The following BLTP2 variants were observed in gnomAD, a reference collection of about 807,000 sequenced individuals.
The protein encoded by BLTP2 is bridge-like lipid transfer protein family member 2.
the BLTP2 span, among the ~76,000 whole-genome samples, chr17:28,632,699 T>G: frequency 3.9e-5 from 6 of 152,136 alleles, no homozygotes; most frequent in African/African-American, 1.2e-4. Flanking sequence ...TCCAGAACTG[T>G]GAGAGATAAA....
chr17:28,638,563 T>C, the BLTP2 span: 21 of 1,613,630 alleles, frequency 1.3e-5, no homozygotes, highest in Non-Finnish European at 1.7e-5. Context: ...AAAGGTGGTG[T>C]ATCTCCAAGT....
the BLTP2 span, chr17:28,616,585 A>C: frequency 6.2e-7 from 1 of 1,614,004 alleles, no homozygotes; most frequent in Non-Finnish European, 8.5e-7. The surrounding 1 kb of genome is among the most constrained non-coding windows in gnomAD (Gnocchi z 4.8). Flanking sequence ...TTGCTACCCT[A>C]TTCTTCTGGG....
the BLTP2 span, chr17:28,639,222 C>A: frequency 7.5e-7 from 1 of 1,328,016 alleles, no homozygotes; most frequent in Non-Finnish European, 1.1e-6. Context: ...GTCAAACAAC[C>A]AAATACATAT....
the BLTP2 span, chr17:28,620,655 A>T: frequency 6.2e-7 from 1 of 1,611,376 alleles, no homozygotes; most frequent in Non-Finnish European, 8.5e-7. Flanking sequence ...GCAGCTAAAT[A>T]AAAGGCTCAA....
the BLTP2 span, chr17:28,615,213 T>C: frequency 3.1e-6 from 5 of 1,613,672 alleles, no homozygotes; most frequent in African/African-American, 4.0e-5. Context: ...TCAGAGCCTG[T>C]TGCAGACTTC....
At chr17:28,623,977 G>A in the BLTP2 span, 1 of 1,612,018 alleles carries the variant, frequency 6.2e-7, no homozygotes, top group Admixed American at 1.7e-5. Context: ...CTATGCCAGA[G>A]ATAGAAGCAG....
the BLTP2 span, chr17:28,638,448 A>C: frequency 6.2e-7 from 1 of 1,608,102 alleles, no homozygotes; most frequent in Non-Finnish European, 8.5e-7. Context: ...GATTGCATGG[A>C]GCCACTGTGG....
At chr17:28,638,562 G>A in the BLTP2 span, 13 of 1,613,342 alleles carry the variant, frequency 8.1e-6, no homozygotes, top group Admixed American at 1.0e-4. Flanking sequence ...AAAAGGTGGT[G>A]TATCTCCAAG....
the BLTP2 span, chr17:28,643,396 C>G: frequency 6.4e-7 from 1 of 1,552,414 alleles, no homozygotes; most frequent in Admixed American, 1.7e-5. Flanking sequence ...CTTTCTCATC[C>G]TTCCTAGAAA....
the BLTP2 span, among the ~76,000 whole-genome samples, chr17:28,626,663 T>C: frequency 6.6e-6 from 1 of 152,178 alleles, no homozygotes; most frequent in Non-Finnish European, 1.5e-5. Flanking sequence ...GAAGTCTCCA[T>C]TAAAAACCCA....
the BLTP2 span, among the ~76,000 whole-genome samples, chr17:28,622,643 A>G: frequency 2.0e-5 from 3 of 152,372 alleles, no homozygotes; most frequent in Non-Finnish European, 2.9e-5. Flanking sequence ...TGATGATATT[A>G]TATCTTAGAA....
the BLTP2 span, among the ~76,000 whole-genome samples, chr17:28,626,191 A>G: frequency 6.6e-6 from 1 of 152,204 alleles, no homozygotes; most frequent in African/African-American, 2.4e-5. Flanking sequence ...TAAAACAATG[A>G]CACACCCATG....
the BLTP2 span, chr17:28,639,835 G>C: frequency 6.3e-7 from 1 of 1,584,472 alleles, no homozygotes; most frequent in East Asian, 2.2e-5. Context: ...GACCATATGG[G>C]GCATGAGCAA....
At chr17:28,630,921 T>C in the BLTP2 span, among the ~76,000 whole-genome samples, 4 of 152,178 alleles carry the variant, frequency 2.6e-5, no homozygotes, top group Admixed American at 2.6e-4. Context: ...ATACTATTTT[T>C]AGGAGAGAAA....
the BLTP2 span, chr17:28,638,366 A>C: frequency 6.2e-7 from 1 of 1,614,188 alleles, no homozygotes; most frequent in Non-Finnish European, 8.5e-7. Context: ...GGTGGTCCAC[A>C]GTTAGGACGC....
At chr17:28,621,588 G>A in the BLTP2 span, 1 of 902,248 alleles carries the variant, frequency 1.1e-6, no homozygotes, top group Admixed American at 1.8e-5. Flanking sequence ...GTTTCAAGTA[G>A]TTACACTTAC....
chr17:28,645,001 A>T, the BLTP2 span: 1 of 1,590,540 alleles, frequency 6.3e-7, no homozygotes, highest in Non-Finnish European at 8.5e-7. Flanking sequence ...GCCTAGAAAG[A>T]GGGCGCTAAG....
chr17:28,644,700 C>T, the BLTP2 span, among the ~76,000 whole-genome samples: 1 of 152,208 alleles, frequency 6.6e-6, no homozygotes, highest in African/African-American at 2.4e-5. Flanking sequence ...GAAAGGGAAG[C>T]CACTGAACCA....
chr17:28,616,678 G>A, the BLTP2 span: 4 of 1,614,124 alleles, frequency 2.5e-6, no homozygotes, highest in Non-Finnish European at 3.4e-6. This position sits in a 1 kb window ranked among gnomAD's most constrained non-coding sequence, Gnocchi z 4.8. Context: ...TCCACACTTC[G>A]GCCAGGAAAG....
Sources: gnomAD v4.1 joint callset for allele counts (sites outside exome capture counted in the v4.1 genomes callset) on GRCh38, gnomAD v4.1.1 for gene constraint, Gnocchi (gnomAD v3.1) non-coding constraint, MANE v1.5 for transcripts, NCBI Gene and HGNC (gene_info 2026-07-23, HGNC 2026-07-21) for gene names.